MIDEAS: variants seen among roughly 807,000 people sequenced by gnomAD.
MIDEAS encodes mitotic deacetylase associated SANT domain protein.
Under a neutral mutation model 102.7 loss-of-function variants are expected in MIDEAS, and 26 were observed. That is an observed-to-expected ratio of 0.25 (90% CI 0.19 to 0.35). MIDEAS has a LOEUF of 0.35. Among genes scored for constraint, MIDEAS ranks in the 10% least tolerant of loss-of-function variants. The pLI is 1.00. For missense variants in MIDEAS, 1,231 were observed against 1,435.6 expected (o/e 0.86, Z 2.30); for synonymous variants, 585 against 591.0 (o/e 0.99, Z 0.15).
intron 9 of MIDEAS, among the ~76,000 whole-genome samples, 162 bp from the exon 10 acceptor site, chr14:73,723,009 A>G (rs571527659): frequency 6.6e-6 from 1 of 152,314 alleles, no homozygotes; most frequent in South Asian, 2.1e-4. Flanking sequence ...CTGCTCTGCA[A>G]CAAACCACTG....
intron 11 of MIDEAS, 49 bp from the exon 12 acceptor site, chr14:73,719,550 T>A (rs1311083132): frequency 7.0e-6 from 11 of 1,575,846 alleles, no homozygotes; most frequent in Non-Finnish European, 9.5e-6. Flanking sequence ...CAAGCGCAGA[T>A]CTGGAATTCT....
intron 1 of MIDEAS, among the ~76,000 whole-genome samples, chr14:73,753,715 C>CA (rs1352479860): frequency 6.6e-6 from 1 of 152,256 alleles, no homozygotes; most frequent in Non-Finnish European, 1.5e-5. Flanking sequence ...CAGGGAGACT[C>CA]AAAGTCCTAG....
rs750452207 is a variant in MIDEAS at position 73,716,682 on chromosome 14, CAAAAAAAAAAAAAA to C, written c.*2147_*2160del. On this transcript the variant is annotated 3_prime_UTR_variant, in exon 13 of 13. Transcript: ENST00000423556. The stretch of plus-strand genomic sequence containing the variant: ...TGGGCGACAGAATGAGACTCTGTCT[CAAAAAAAAAAAAAA>C]AAAAAAAAAAAAATTTTTTTTCCAA... The C allele has an allele frequency of 2.9e-4, 21 of 71,770 alleles. No homozygotes were observed. Among genetic ancestry groups the C allele is most frequent in the African/African-American group, 9.0e-4 (15 of 16,616 alleles). The allele number at this position is 71,770 out of a possible 1,614,324, so 4.4% of individuals were successfully genotyped here. A position where few individuals can be genotyped will look rare whatever the true frequency, so the allele number is the denominator to read the frequency against.
intron 3 of MIDEAS, 21 bp downstream of exon 3, chr14:73,736,977 T>A (rs770954280): frequency 6.2e-6 from 10 of 1,604,412 alleles, no homozygotes; most frequent in Non-Finnish European, 8.5e-6. Context: ...TGGAGGTGTT[T>A]AGAAGGGGCG....
chr14:73,744,556 A>C (rs1227754774), intron 1 of MIDEAS, among the ~76,000 whole-genome samples: 2 of 152,148 alleles, frequency 1.3e-5, no homozygotes, highest in African/African-American at 4.8e-5. Context: ...AGGGGAGTCA[A>C]AGATCATGGG....
chr14:73,722,171 G>GT (rs1311850133), intron 10 of MIDEAS, among the ~76,000 whole-genome samples: 2 of 152,128 alleles, frequency 1.3e-5, no homozygotes, highest in Non-Finnish European at 2.9e-5. Context: ...CTAGAATTCA[G>GT]TAATACTGGT....
At chr14:73,760,564 C>T (rs2053545668), upstream of MIDEAS, among the ~76,000 whole-genome samples, 1 of 152,220 alleles carries the variant, frequency 6.6e-6, no homozygotes, top group African/African-American at 2.4e-5. The surrounding 1 kb of genome is among the most constrained non-coding windows in gnomAD (Gnocchi z 4.8). Flanking sequence ...GTTTGGAAAC[C>T]CATTGAGCCT....
At chr14:73,724,365 A>G (rs1184437914) in intron 9 of MIDEAS, 1 of 151,958 alleles carries the variant, frequency 6.6e-6, no homozygotes, top group Non-Finnish European at 1.5e-5. Flanking sequence ...CAAGTCACAC[A>G]TGTATTAATT....
At chr14:73,770,239 T>C (rs1046460815) in intron 1 of MIDEAS, among the ~76,000 whole-genome samples, 2 of 152,176 alleles carry the variant, frequency 1.3e-5, no homozygotes, top group Non-Finnish European at 2.9e-5. Flanking sequence ...TTATAAGCTG[T>C]GTTAAAACTG....
intron 1 of MIDEAS, among the ~76,000 whole-genome samples, chr14:73,773,326 A>C (rs1173430886): frequency 6.6e-6 from 1 of 151,858 alleles, no homozygotes; most frequent in Non-Finnish European, 1.5e-5. Flanking sequence ...TGTTGGAGGT[A>C]ATACAATTGA....
chr14:73,779,899 G>A (rs1189068510), intron 1 of MIDEAS, among the ~76,000 whole-genome samples: 1 of 130,840 alleles, frequency 7.6e-6, no homozygotes, highest in Non-Finnish European at 1.6e-5. Flanking sequence ...TTGAGACAGA[G>A]TCTTGCTCTG....
At chr14:73,744,601 G>A (rs1344220095) in intron 1 of MIDEAS, among the ~76,000 whole-genome samples, 2 of 152,170 alleles carry the variant, frequency 1.3e-5, no homozygotes, top group Non-Finnish European at 2.9e-5. Context: ...CCCAAACTGA[G>A]TCTCCAGGCG....
intron 1 of MIDEAS, among the ~76,000 whole-genome samples, chr14:73,772,299 T>C (rs770147124): frequency 3.3e-5 from 5 of 152,272 alleles, no homozygotes; most frequent in African/African-American, 4.8e-5. Flanking sequence ...AAAGATGTTA[T>C]ATAAATTATT....
In MIDEAS at chr14:73,719,440, T is replaced by G; in HGVS notation, c.2999A>C (p.Gln1000Pro). Reference protein sequence around the residue: ...ESNAPGSAGGQASEKPREGTG... With the variant: ...ESNAPGSAGGPASEKPREGTG... ...CCCTTCCCTTGGCTTCTCCGAGGCCTGGCCACCGGCAGACCCAGGGGCGTT... is the reference window on the plus strand; with the variant it reads ...CCCTTCCCTTGGCTTCTCCGAGGCCGGGCCACCGGCAGACCCAGGGGCGTT... Residue 1000 changes from glutamine to proline, a missense_variant, in exon 12 of 13, where the codon CAG becomes CCG. Physicochemically the swap from Gln to Pro is moderately conservative, Grantham distance 76. Coordinates refer to ENST00000423556, the MANE Select transcript of MIDEAS (RefSeq NM_001367710.1). The G allele has an allele frequency of 6.2e-7, 1 of 1,614,066 alleles. No individual in the cohort carries two copies. Among genetic ancestry groups the G allele is most frequent in the Non-Finnish European group, 8.5e-7 (1 of 1,180,002 alleles).
intron 4 of MIDEAS, chr14:73,728,109 T>G (rs2053088766): frequency 6.6e-6 from 1 of 152,006 alleles, no homozygotes; most frequent in African/African-American, 2.4e-5. Context: ...AGTGGTGCGA[T>G]CTCGGCTCAA....
intron 1 of MIDEAS, among the ~76,000 whole-genome samples, chr14:73,785,183 T>C (rs2053794702): frequency 6.6e-6 from 1 of 152,192 alleles, no homozygotes; most frequent in South Asian, 2.1e-4. Flanking sequence ...AGGTTGAGAT[T>C]TAGAATGTGA....
At chr14:73,727,577 C>T in intron 4 of MIDEAS, 53 bp from the exon 5 acceptor site, 1 of 1,525,362 alleles carries the variant, frequency 6.6e-7, no homozygotes, top group Non-Finnish European at 8.9e-7. Context: ...AGCAAAGCAC[C>T]CCCAATCCTA....
At position 73,725,315 on chromosome 14, in the gene MIDEAS, C is replaced by G; in HGVS notation, c.2531G>C (p.Gly844Ala). The G allele has an allele frequency of 6.2e-7, 1 of 1,614,084 alleles. No homozygotes were observed. Among genetic ancestry groups the G allele is most frequent in the African/African-American group, 1.3e-5 (1 of 75,042 alleles). Residue 844 changes from glycine to alanine, a missense_variant, in exon 9 of 13, where the codon GGC becomes GCC. Around this residue, in one of 5 missense-constraint regions of MIDEAS, gnomAD observed 391 missense variants for 483.0 expected, o/e 0.81. Coordinates refer to ENST00000423556, the MANE Select transcript of MIDEAS (RefSeq NM_001367710.1). This position sits in a 1 kb window ranked among gnomAD's most constrained non-coding sequence, Gnocchi z 4.1. ...KMAERKLFNKGIAIYKKDFFL... is the reference protein window; with the variant it reads ...KMAERKLFNKAIAIYKKDFFL... ...GAAATCCTTCTTGTAGATGGCAATG[C>G]CTTTGTTGAACAGCTTCCTCTCGGC...
chr14:73,745,354 C>G (rs997303747), intron 1 of MIDEAS, among the ~76,000 whole-genome samples: 1 of 152,248 alleles, frequency 6.6e-6, no homozygotes, highest in East Asian at 1.9e-4. Flanking sequence ...TGTTGCCCTC[C>G]ACCCCACTTT....
Sources: gnomAD v4.1 joint callset for allele counts (sites outside exome capture counted in the v4.1 genomes callset) on GRCh38, gnomAD v4.1.1 for gene constraint, gnomAD v4.1.1 regional missense constraint, Gnocchi (gnomAD v3.1) non-coding constraint, MANE v1.5 for transcripts, NCBI Gene and HGNC (gene_info 2026-07-23, HGNC 2026-07-21) for gene names.